The following LRP1B variants were observed in gnomAD, a reference collection of about 807,000 sequenced individuals.
The protein encoded by LRP1B is low-density lipoprotein receptor-related protein 1B.
Under a neutral mutation model 556.6 loss-of-function variants are expected in LRP1B, and 217 were observed. The ratio of observed to expected loss-of-function variants is 0.39; its 90% CI spans 0.35 to 0.44. The LOEUF (loss-of-function observed/expected upper bound fraction) is 0.44. LRP1B is among the 20% of genes least tolerant of loss of function. The pLI, the probability that LRP1B is intolerant of heterozygous loss-of-function variation, is 1.00. For synonymous variants in LRP1B, 2,047 were observed against 1,865.8 expected, an observed-to-expected ratio of 1.10 and a Z score of -2.50; for missense variants, 5,053 against 5,620.8, an observed-to-expected ratio of 0.90 and a Z score of 3.23.
At chr2:141,875,219 AGGC>A (rs570134684) in intron 1 of LRP1B, among the ~76,000 whole-genome samples, 247 of 151,868 alleles carry the variant, frequency 1.6e-3, no homozygotes, top group African/African-American at 5.7e-3. Context: ...CATGTTGCCC[AGGC>A]GGGTCTCAAA....
At chr2:141,013,445 A>C (rs759657139) in intron 14 of LRP1B, 111 bp downstream of exon 14, 14 of 845,926 alleles carry the variant, frequency 1.7e-5, no homozygotes, top group Non-Finnish European at 2.3e-5. Context: ...AGGGAATTTG[A>C]CATCTTTTAT....
At chr2:141,531,405 T>C (rs1684866972) in intron 2 of LRP1B, among the ~76,000 whole-genome samples, 1 of 152,150 alleles carries the variant, frequency 6.6e-6, no homozygotes. Flanking sequence ...ACTTGGTCAA[T>C]ATCTCCTTTT....
intron 14 of LRP1B, among the ~76,000 whole-genome samples, chr2:141,005,848 G>A (rs1380771272): frequency 1.3e-5 from 2 of 151,996 alleles, no homozygotes; most frequent in Non-Finnish European, 2.9e-5. Context: ...GAAAGCAAGT[G>A]AGGGTTGGGA....
intron 1 of LRP1B, among the ~76,000 whole-genome samples, chr2:141,863,804 C>T (rs1698324665): frequency 6.6e-6 from 1 of 151,924 alleles, no homozygotes; most frequent in Non-Finnish European, 1.5e-5. Flanking sequence ...TTTCATTATA[C>T]TACACCAACT....
At chr2:141,354,259 A>G (rs949494675) in intron 3 of LRP1B, among the ~76,000 whole-genome samples, 3 of 152,046 alleles carry the variant, frequency 2.0e-5, no homozygotes, top group Non-Finnish European at 4.4e-5. Context: ...GTTTTTGGAG[A>G]GTATGTCCAG....
intron 25 of LRP1B, among the ~76,000 whole-genome samples, chr2:140,878,969 A>G (rs1693389760): frequency 1.4e-5 from 2 of 146,050 alleles, no homozygotes; most frequent in Admixed American, 1.4e-4. Context: ...AGCCTGGGTG[A>G]CAGAGCAAAA....
intron 35 of LRP1B, among the ~76,000 whole-genome samples, chr2:140,721,824 G>T: frequency 6.6e-6 from 1 of 150,664 alleles, no homozygotes; most frequent in South Asian, 2.1e-4. Flanking sequence ...TTGACATACC[G>T]CAGGAGACTT....
At chr2:141,301,826 G>A (rs1022452610) in intron 3 of LRP1B, among the ~76,000 whole-genome samples, 7 of 152,080 alleles carry the variant, frequency 4.6e-5, no homozygotes, top group Non-Finnish European at 8.8e-5. Context: ...ACCCTCCTCA[G>A]TGGCTTAATC....
chr2:141,660,566 C>T (rs1388903572), intron 2 of LRP1B, among the ~76,000 whole-genome samples: 1 of 152,188 alleles, frequency 6.6e-6, no homozygotes, highest in East Asian at 1.9e-4. Context: ...AGATTGTGGC[C>T]AGACTACCTC....
intron 2 of LRP1B, among the ~76,000 whole-genome samples, chr2:141,716,208 GA>G (rs1240443551): frequency 6.6e-6 from 1 of 152,146 alleles, no homozygotes; most frequent in Non-Finnish European, 1.5e-5. Context: ...TGTCACCAGA[GA>G]ACAGTGTTTC....
intron 1 of LRP1B, among the ~76,000 whole-genome samples, chr2:142,007,361 G>A (rs1191415445): frequency 6.6e-6 from 1 of 152,100 alleles, no homozygotes; most frequent in African/African-American, 2.4e-5. Flanking sequence ...AAAATTTAGT[G>A]TCAAAGTTTC....
chr2:140,432,150 C>A (rs1357419385), intron 66 of LRP1B, among the ~76,000 whole-genome samples: 4 of 151,436 alleles, frequency 2.6e-5, no homozygotes, highest in African/African-American at 9.7e-5. Flanking sequence ...TTCTGAAATT[C>A]CTTCTCCTGG....
At chr2:141,113,004 C>T (rs1455024258) in intron 7 of LRP1B, among the ~76,000 whole-genome samples, 1 of 152,126 alleles carries the variant, frequency 6.6e-6, no homozygotes, top group Admixed American at 6.5e-5. Flanking sequence ...TGATAATATG[C>T]ATATTACAAA....
intron 2 of LRP1B, among the ~76,000 whole-genome samples, chr2:141,617,859 G>A (rs988325224): frequency 1.3e-5 from 2 of 151,962 alleles, no homozygotes; most frequent in African/African-American, 4.8e-5. Context: ...AACTTTAATA[G>A]TCATCAGTAT....
At chr2:141,001,932 G>A (rs946135537) in intron 15 of LRP1B, among the ~76,000 whole-genome samples, 13 of 152,078 alleles carry the variant, frequency 8.5e-5, no homozygotes, top group South Asian at 8.3e-4. Context: ...ACTAGCAAAT[G>A]TACACATAAA....
At chr2:141,915,010 A>G (rs868824394) in intron 1 of LRP1B, among the ~76,000 whole-genome samples, 1 of 152,210 alleles carries the variant, frequency 6.6e-6, no homozygotes, top group Non-Finnish European at 1.5e-5. Flanking sequence ...TCTAAAATTC[A>G]TATGGGACAA....
intron 1 of LRP1B, among the ~76,000 whole-genome samples, chr2:141,857,412 C>T (rs1445758809): frequency 6.6e-6 from 1 of 152,022 alleles, no homozygotes; most frequent in Non-Finnish European, 1.5e-5. Context: ...ATAATCATGG[C>T]TCAATGCAGC....
chr2:140,989,427 A>G (rs955404366), intron 17 of LRP1B, 105 bp downstream of exon 17: 3 of 1,192,468 alleles, frequency 2.5e-6, no homozygotes, highest in Admixed American at 3.6e-5. Context: ...CAATAATCAG[A>G]TCATCAGCAC....
rs368189354 is a variant in LRP1B, at chr2:140,964,455, T to G, written c.2888-12515A>C. Among the ~76,000 whole-genome samples the G allele has an allele frequency of 5.3e-5, 8 of 152,194 alleles. No individual in the cohort carries two copies. In the East Asian group the frequency reaches 9.8e-4, roughly 19 times the overall value. On this transcript the variant is annotated intron_variant, in intron 18 of 90. Coordinates refer to ENST00000389484, the MANE Select transcript of LRP1B (RefSeq NM_018557.3). ...CTGCTAAGTAGCGGGTGTTGTTTCT[T>G]GACACATTTTGCTACGGCTGGACCA... is the stretch of plus-strand genomic sequence containing the variant.
Sources: allele counts gnomAD v4.1 joint callset (sites outside exome capture counted in the v4.1 genomes callset), GRCh38; gene constraint gnomAD v4.1.1; transcripts MANE v1.5; gene names NCBI Gene and HGNC (gene_info 2026-07-23, HGNC 2026-07-21).